RASGEF1A: variants seen among roughly 807,000 people sequenced by gnomAD.
The protein encoded by RASGEF1A is RasGEF domain family member 1A, also known as ras-GEF domain-containing family member 1A.
A neutral mutation model predicts 56.4 loss-of-function variants in RASGEF1A; 18 were observed. The observed-to-expected ratio is 0.32, with a 90% confidence interval of 0.22 to 0.47. The LOEUF (loss-of-function observed/expected upper bound fraction) is 0.47. Among genes scored for constraint, RASGEF1A ranks in the 20% least tolerant of loss-of-function variants. The pLI, the probability that RASGEF1A is intolerant of heterozygous loss-of-function variation, is 1.00. For synonymous variants in RASGEF1A, 245 were observed against 242.6 expected (o/e 1.01, Z -0.09); for missense variants, 422 against 627.1 (o/e 0.67, Z 3.49).
intron 1 of RASGEF1A, among the ~76,000 whole-genome samples, chr10:43,226,267 C>A (rs889604276): frequency 2.6e-5 from 4 of 152,126 alleles, no homozygotes; most frequent in Middle Eastern, 3.2e-3. Flanking sequence ...CATAGAGAAA[C>A]CCCGTCTCTA....
At chr10:43,262,186 C>T (rs1328383910) in intron 1 of RASGEF1A, among the ~76,000 whole-genome samples, 1 of 152,150 alleles carries the variant, frequency 6.6e-6, no homozygotes, top group Non-Finnish European at 1.5e-5. Flanking sequence ...GGGAAACAAG[C>T]CCTGCTGATA....
chr10:43,243,962 AAAAG>A (rs1459214706), intron 1 of RASGEF1A, among the ~76,000 whole-genome samples: 3 of 152,048 alleles, frequency 2.0e-5, no homozygotes, highest in East Asian at 3.9e-4. Flanking sequence ...AAATGTGGGG[AAAAG>A]AAAGAGAGAT....
intron 1 of RASGEF1A, chr10:43,207,089 C>T: frequency 1.0e-6 from 1 of 985,550 alleles, no homozygotes; most frequent in South Asian, 4.7e-5. Flanking sequence ...CTGGGAGGAG[C>T]CAAGTGGGGA....
intron 10 of RASGEF1A, 103 bp from the exon 11 acceptor site, chr10:43,197,202 C>A: frequency 1.5e-6 from 2 of 1,360,044 alleles, no homozygotes; most frequent in African/African-American, 1.4e-5. Flanking sequence ...CTGCTCACTT[C>A]ACTGGTCCCA....
intron 6 of RASGEF1A, 83 bp from the exon 7 acceptor site, chr10:43,199,851 G>A: frequency 1.7e-6 from 2 of 1,147,856 alleles, no homozygotes; most frequent in Non-Finnish European, 2.6e-6. Flanking sequence ...CTGGTCCCCA[G>A]CTATGGCTCA....
chr10:43,266,007 G>T (rs906827811), intron 1 of RASGEF1A, among the ~76,000 whole-genome samples: 2 of 152,212 alleles, frequency 1.3e-5, no homozygotes, highest in African/African-American at 4.8e-5. Context: ...CTCTGAGCAG[G>T]GAGGGAGGGA....
chr10:43,229,879 C>T, intron 1 of RASGEF1A: 1 of 547,478 alleles, frequency 1.8e-6, no homozygotes, highest in Non-Finnish European at 2.8e-6. Flanking sequence ...GAACGCGGGG[C>T]GGGGCCGAGG....
intron 1 of RASGEF1A, among the ~76,000 whole-genome samples, chr10:43,236,815 A>C (rs775655968): frequency 1.3e-5 from 2 of 152,198 alleles, no homozygotes; most frequent in Non-Finnish European, 2.9e-5. Flanking sequence ...CCTGGAGAAG[A>C]GAGACTCAGA....
intron 1 of RASGEF1A, among the ~76,000 whole-genome samples, chr10:43,217,394 C>T (rs1289742380): frequency 6.6e-6 from 1 of 152,240 alleles, no homozygotes; most frequent in Non-Finnish European, 1.5e-5. Flanking sequence ...TCTCTCCAAG[C>T]TGGTGCTGCA....
chr10:43,226,077 A>C (rs1186013454), intron 1 of RASGEF1A, among the ~76,000 whole-genome samples: 1 of 152,194 alleles, frequency 6.6e-6, no homozygotes, highest in Non-Finnish European at 1.5e-5. Context: ...CAGCTTTGCC[A>C]ACAAAACTCC....
intron 1 of RASGEF1A, among the ~76,000 whole-genome samples, chr10:43,245,538 T>G (rs1422622671): frequency 6.6e-6 from 1 of 152,090 alleles, no homozygotes; most frequent in Non-Finnish European, 1.5e-5. Flanking sequence ...CAACAAAATA[T>G]TAGCAAATCA....
At chr10:43,252,996 A>T (rs543910310) in intron 1 of RASGEF1A, among the ~76,000 whole-genome samples, 1 of 152,344 alleles carries the variant, frequency 6.6e-6, no homozygotes, top group African/African-American at 2.4e-5. Flanking sequence ...CTTCAGGACC[A>T]GCGAGTTCAA....
chr10:43,237,884 G>A (rs982428034), intron 1 of RASGEF1A, among the ~76,000 whole-genome samples: 1 of 152,204 alleles, frequency 6.6e-6, no homozygotes, highest in African/African-American at 2.4e-5. Flanking sequence ...CTCTCCCACA[G>A]GGAATAGAGC....
At chr10:43,247,348 C>A (rs1235027473) in intron 1 of RASGEF1A, among the ~76,000 whole-genome samples, 1 of 152,038 alleles carries the variant, frequency 6.6e-6, no homozygotes, top group South Asian at 2.1e-4. Context: ...AGAAAATGAT[C>A]GGTATAGTTC....
chr10:43,234,714 T>A (rs1193904565), intron 1 of RASGEF1A, among the ~76,000 whole-genome samples: 1 of 152,214 alleles, frequency 6.6e-6, no homozygotes, highest in Non-Finnish European at 1.5e-5. Context: ...CTGAAGGTGA[T>A]GGCGCATACC....
chr10:43,214,941 G>A (rs1840113884), intron 1 of RASGEF1A, among the ~76,000 whole-genome samples: 1 of 152,176 alleles, frequency 6.6e-6, no homozygotes, highest in African/African-American at 2.4e-5. Context: ...GGACCCAAGA[G>A]GCCGTAATGT....
chr10:43,203,281 G>A lies in RASGEF1A; in HGVS notation c.321+17C>T, dbSNP rs1163111925. On this transcript the variant is annotated intron_variant, in intron 3 of 12. Transcript: ENST00000395810. The stretch of plus-strand genomic sequence containing the variant: ...GCCCCCTGCCCCCGCCCGTGCCCCA[G>A]CCAGGCCCCGCCTCACCTTTTCAGG... 1.7e-5 allele frequency: 27 copies of A among 1,546,004 alleles called. No homozygotes were observed. In the East Asian group the frequency reaches 2.2e-4, roughly 13 times the overall value.
At chr10:43,247,862 G>T (rs1439798710) in intron 1 of RASGEF1A, among the ~76,000 whole-genome samples, 1 of 152,052 alleles carries the variant, frequency 6.6e-6, no homozygotes, top group African/African-American at 2.4e-5. Context: ...AGGAGTTCAA[G>T]ACCAGTCTGG....
chr10:43,208,926 C>G, intron 1 of RASGEF1A: 1 of 985,576 alleles, frequency 1.0e-6, no homozygotes, highest in Non-Finnish European at 1.2e-6. Context: ...TCTGGCCAGC[C>G]CTCCACCTTC....
Sources: gnomAD v4.1 joint callset for allele counts (sites outside exome capture counted in the v4.1 genomes callset) on GRCh38, gnomAD v4.1.1 for gene constraint, MANE v1.5 for transcripts, NCBI Gene and HGNC (gene_info 2026-07-23, HGNC 2026-07-21) for gene names.